Variants in ARHGEF12 observed in about 807,000 individuals in gnomAD.
ARHGEF12 encodes KMT2A/ARHGEF12 fusion protein.
Under a neutral mutation model 211.2 loss-of-function variants are expected in ARHGEF12, and 66 were observed. That is an observed-to-expected ratio of 0.31 (90% CI 0.26 to 0.38). The LOEUF (loss-of-function observed/expected upper bound fraction) is 0.38. ARHGEF12 is among the 10% of genes least tolerant of loss of function. The probability of loss-of-function intolerance (pLI) is 1.00; values close to 1 mark genes in which losing one functional copy is unlikely to be tolerated. For synonymous variants in ARHGEF12, 592 were observed against 638.4 expected (o/e 0.93, Z 1.09); for missense variants, 1,429 against 1,869.5 (o/e 0.76, Z 4.34).
intron 39 of ARHGEF12, 52 bp downstream of exon 39, chr11:120,481,628 G>A (rs762444023): frequency 6.5e-7 from 1 of 1,550,060 alleles, no homozygotes; most frequent in Admixed American, 1.7e-5. Flanking sequence ...ACATTTAGCA[G>A]AGGGGAAGAA....
intron 1 of ARHGEF12, among the ~76,000 whole-genome samples, chr11:120,347,175 C>CTTTCTTTCTTTCTTTCTTTCTTTCTTT (rs1565417173): frequency 1.6e-5 from 1 of 62,140 alleles, no homozygotes; most frequent in Non-Finnish European, 3.5e-5. Context: ...TTCCTTCCTT[C>CTTTCTTTCTTTCTTTCTTTCTTTCTTT]CTTCCTTCCT....
rs536979468 is a variant in ARHGEF12 at position 120,468,124 on chromosome 11, ACT to A, written c.2854+820_2854+821del. Among the ~76,000 whole-genome samples, 6 of 152,008 alleles carry A rather than the reference ACT, an allele frequency of 3.9e-5. No individual in the cohort carries two copies. In the East Asian group the frequency reaches 9.7e-4, roughly 25 times the overall value. ...GCCAAATCAATGCGGTGTAATTCCAACTCTCCCGTTTTGAAACATGAAATGAA... is the reference window on the plus strand; with the variant it reads ...GCCAAATCAATGCGGTGTAATTCCAACTCCCGTTTTGAAACATGAAATGAA... On this transcript the variant is annotated intron_variant, in intron 29 of 40. Coordinates refer to ENST00000397843, the MANE Select transcript of ARHGEF12 (RefSeq NM_015313.3).
intron 1 of ARHGEF12, among the ~76,000 whole-genome samples, chr11:120,366,364 C>T (rs1943420472): frequency 6.6e-6 from 1 of 152,130 alleles, no homozygotes; most frequent in African/African-American, 2.4e-5. Flanking sequence ...CACTATGTTG[C>T]CCAGGCTGGT....
Position 120,336,993 on chromosome 11 carries a change from T to C in ARHGEF12, c.-251T>C. ...TTGTGCCTTCTGGAGGATTTCTCTC[T>C]AGCTCGACTCACTCTGGACTGACTC... On this transcript the variant is annotated 5_prime_UTR_variant, in exon 1 of 41. Coordinates refer to ENST00000397843, the MANE Select transcript of ARHGEF12 (RefSeq NM_015313.3). 3.8e-6 allele frequency: 2 copies of C among 523,434 alleles called. No homozygotes were observed. The highest frequency in any genetic ancestry group is 6.8e-6 in the Non-Finnish European group (2 of 295,054). 32.4% of individuals were successfully genotyped at this position (523,434 alleles called of 1,614,324 possible).
chr11:120,440,785 G>A (rs1945846643), intron 13 of ARHGEF12, among the ~76,000 whole-genome samples: 1 of 152,070 alleles, frequency 6.6e-6, no homozygotes, highest in African/African-American at 2.4e-5. Context: ...CTATTAGGGA[G>A]AAAACACTCA....
At chr11:120,418,900 G>A (rs891673864) in intron 4 of ARHGEF12, among the ~76,000 whole-genome samples, 6 of 151,470 alleles carry the variant, frequency 4.0e-5, no homozygotes, top group Non-Finnish European at 5.9e-5. Context: ...CATATAATCT[G>A]GATACAAATT....
intron 12 of ARHGEF12, 122 bp from the exon 13 acceptor site, chr11:120,440,007 A>C: frequency 1.4e-6 from 1 of 725,188 alleles, no homozygotes; most frequent in Middle Eastern, 2.4e-4. Context: ...CTTCAAAGGA[A>C]ATAAACAAAA....
At chr11:120,387,410 T>C (rs185949168) in intron 1 of ARHGEF12, among the ~76,000 whole-genome samples, 11 of 152,232 alleles carry the variant, frequency 7.2e-5, no homozygotes, top group Non-Finnish European at 1.0e-4. Context: ...AGTTATAAAC[T>C]AATTTTTTGA....
chr11:120,438,679 T>A (rs1945770859), intron 12 of ARHGEF12: 1 of 152,224 alleles, frequency 6.6e-6, no homozygotes, highest in South Asian at 2.1e-4. Context: ...AGGCCTACCC[T>A]TCTTTGCTGA....
rs1483186096 is a variant in ARHGEF12, at chr11:120,475,322, C to T, written c.3110-18C>T. On this transcript the variant is annotated intron_variant, in intron 32 of 40. Transcript: ENST00000397843. ...CCATTTCTGTACTTACCATTTTTTTCTGCACTTTTATTTCTAGATTTATAC... is the reference window on the plus strand; with the variant it reads ...CCATTTCTGTACTTACCATTTTTTTTTGCACTTTTATTTCTAGATTTATAC... 1.2e-6 allele frequency: 2 copies of T among 1,605,284 alleles called. No homozygotes were observed. The highest frequency in any genetic ancestry group is 1.1e-5 in the South Asian group (1 of 89,856).
intron 36 of ARHGEF12, 80 bp downstream of exon 36, chr11:120,477,606 T>C: frequency 7.3e-7 from 1 of 1,366,520 alleles, no homozygotes; most frequent in Non-Finnish European, 1.0e-6. Context: ...GGCTCATGCC[T>C]GTAATCCCAG....
chr11:120,480,069 G>A lies in ARHGEF12; in HGVS notation c.3876G>A (p.Gln1292=). 1 of 1,614,190 alleles carries A rather than the reference G, an allele frequency of 6.2e-7. No individual in the cohort carries two copies. The highest frequency in any genetic ancestry group is 8.5e-7 in the Non-Finnish European group (1 of 1,180,042). The change falls in exon 38 of 41, where the codon CAG becomes CAA. Residue 1292 remains glutamine, a synonymous_variant. Coordinates refer to ENST00000397843, the MANE Select transcript of ARHGEF12 (RefSeq NM_015313.3). ...ACAGAACAGCCTCTCAGGGGCCGCA[G>A]ACAGACAGTGTCATCCAGAACTCTG... The part of the protein sequence containing the change: ...PRYRTASQGP[Q]TDSVIQNSEN...
intron 1 of ARHGEF12, among the ~76,000 whole-genome samples, chr11:120,388,927 A>G (rs548299112): frequency 1.5e-4 from 23 of 152,022 alleles, no homozygotes; most frequent in African/African-American, 5.5e-4. Context: ...CAATGGTGCA[A>G]TCTTGGCTCA....
chr11:120,429,836 C>T lies in ARHGEF12; in HGVS notation c.783+5C>T. ...AAAGCCACAGGCTCTGCTCAGGTAG[C>T]ATCACTATTACAAGTGCTACCCAAC... On this transcript the variant is annotated splice_donor_5th_base_variant and intron_variant, in intron 10 of 40. Coordinates refer to ENST00000397843, the MANE Select transcript of ARHGEF12 (RefSeq NM_015313.3). 1.2e-6 allele frequency: 2 copies of T among 1,608,762 alleles called. No homozygotes were observed. Among genetic ancestry groups the T allele is most frequent in the African/African-American group, 1.3e-5 (1 of 74,760 alleles).
At position 120,447,926 on chromosome 11, in the gene ARHGEF12, T is replaced by C. The variant is rs200324653; in HGVS notation, c.1622+20T>C. 96 of 1,543,772 alleles carry C rather than the reference T, an allele frequency of 6.2e-5. No individual in the cohort carries two copies. The African/African-American group carries it at 1.1e-3, about 18-fold the overall frequency. On this transcript the variant is annotated intron_variant, in intron 19 of 40. Coordinates refer to ENST00000397843, the MANE Select transcript of ARHGEF12 (RefSeq NM_015313.3). ...TAAGAGGTAACATAACTGTTTTTTT[T>C]CCCCTAGAATTTTAAGAAAAAAAGA... is the stretch of plus-strand genomic sequence containing the variant.
At chr11:120,446,840 A>C in intron 17 of ARHGEF12, 108 bp from the exon 18 acceptor site, 1 of 1,389,440 alleles carries the variant, frequency 7.2e-7, no homozygotes, top group African/African-American at 1.4e-5. Context: ...GAAAAGTGAC[A>C]TTTTTCCTGT....
chr11:120,410,014 T>C (rs1944833679), intron 4 of ARHGEF12: 1 of 152,232 alleles, frequency 6.6e-6, no homozygotes, highest in Non-Finnish European at 1.5e-5. Flanking sequence ...TCTTCATAGC[T>C]TGAAGAATTT....
intron 1 of ARHGEF12, 133 bp downstream of exon 1, chr11:120,337,408 A>T (rs1942384725): frequency 6.6e-7 from 1 of 1,517,620 alleles, no homozygotes; most frequent in South Asian, 1.3e-5. Flanking sequence ...GGAGCTGTGC[A>T]GTTAGCCTGG....
chr11:120,443,852 G>A (rs756339100), intron 15 of ARHGEF12, among the ~76,000 whole-genome samples: 6 of 152,096 alleles, frequency 3.9e-5, no homozygotes, highest in African/African-American at 1.2e-4. Context: ...TTTGCATAGC[G>A]TTTACATTGT....
Sources: allele counts gnomAD v4.1 joint callset (sites outside exome capture counted in the v4.1 genomes callset), GRCh38; gene constraint gnomAD v4.1.1; transcripts MANE v1.5; gene names NCBI Gene and HGNC (gene_info 2026-07-23, HGNC 2026-07-21).